The following CCDC7 variants were observed in gnomAD, a reference collection of about 807,000 sequenced individuals.
CCDC7 encodes the protein coiled-coil domain-containing protein 7.
Under a neutral mutation model 196.9 loss-of-function variants are expected in CCDC7, and 183 were observed. The ratio of observed to expected loss-of-function variants is 0.93; its 90% CI spans 0.82 to 1.05. The LOEUF (loss-of-function observed/expected upper bound fraction) is 1.05. CCDC7 is among the 50% of genes least tolerant of loss of function. The pLI, the probability that CCDC7 is intolerant of heterozygous loss-of-function variation, is 0.00. For missense variants in CCDC7, 1,540 were observed against 1,482.2 expected, an observed-to-expected ratio of 1.04 and a Z score of -0.64; for synonymous variants, 525 against 484.6, an observed-to-expected ratio of 1.08 and a Z score of -1.10.
chr10:32,779,495 G>A (rs2134278424), intron 29 of CCDC7, among the ~76,000 whole-genome samples: 1 of 152,298 alleles, frequency 6.6e-6, no homozygotes, highest in Non-Finnish European at 1.5e-5. Context: ...GCCTTGTGAT[G>A]TGCTTATTAT....
At chr10:32,795,179 A>G (rs989507896) in intron 29 of CCDC7, among the ~76,000 whole-genome samples, 1 of 152,128 alleles carries the variant, frequency 6.6e-6, no homozygotes, top group Non-Finnish European at 1.5e-5. Context: ...TTTCTTGCTC[A>G]GTTTCCTCTT....
intron 12 of CCDC7, 86 bp downstream of exon 13, chr10:32,543,471 A>G (rs985637760): frequency 1.2e-5 from 14 of 1,123,402 alleles, no homozygotes; most frequent in African/African-American, 1.6e-5. Flanking sequence ...TCAAATAAAC[A>G]TAACTTATGA....
chr10:32,839,945 T>C (rs992329687), intron 33 of CCDC7, among the ~76,000 whole-genome samples: 4 of 152,040 alleles, frequency 2.6e-5, no homozygotes, highest in Admixed American at 2.0e-4. Flanking sequence ...TTAAAAATTC[T>C]TTGAACTGAA....
At chr10:32,699,347 T>G (rs2078259028) in intron 24 of CCDC7, among the ~76,000 whole-genome samples, 1 of 152,014 alleles carries the variant, frequency 6.6e-6, no homozygotes, top group South Asian at 2.1e-4. Context: ...AATGATGGTT[T>G]CCAGCTTCAT....
intron 9 of CCDC7, among the ~76,000 whole-genome samples, chr10:32,506,610 G>A (rs1478454555): frequency 1.3e-5 from 2 of 152,214 alleles, no homozygotes; most frequent in South Asian, 2.1e-4. Context: ...CCAGCACCTC[G>A]GGAGGCCGAG....
Position 32,790,549 on chromosome 10 carries a change from G to A in CCDC7, c.3013+11465G>A, listed in dbSNP as rs536406629. On this transcript the variant is annotated intron_variant, in intron 29 of 41. Coordinates refer to ENST00000639629, the Ensembl canonical transcript of CCDC7. ...GGCTTTATTGTGTTCCGCCCTTCCA[G>A]GGTCCAGAGTCACTACTCTGGGTTA... Among the ~76,000 whole-genome samples, 180 of 152,312 alleles carry A rather than the reference G, an allele frequency of 1.2e-3. 1 individual carries two copies. The highest frequency in any genetic ancestry group is 4.2e-3 in the African/African-American group (174 of 41,572).
intron 25 of CCDC7, among the ~76,000 whole-genome samples, chr10:32,725,832 C>T (rs1334960833): frequency 1.3e-5 from 2 of 152,160 alleles, no homozygotes; most frequent in Non-Finnish European, 2.9e-5. Flanking sequence ...ATGACCCAAA[C>T]ACCTCCCACC....
chr10:32,674,981 T>G (rs533233650), intron 21 of CCDC7, among the ~76,000 whole-genome samples: 19 of 152,208 alleles, frequency 1.2e-4, no homozygotes, highest in African/African-American at 4.6e-4. Flanking sequence ...TTTAGTTCAG[T>G]TTGTCCTTAA....
At chr10:32,810,003 A>T (rs1306111260) in intron 30 of CCDC7, among the ~76,000 whole-genome samples, 1 of 152,204 alleles carries the variant, frequency 6.6e-6, no homozygotes, top group African/African-American at 2.4e-5. Context: ...GATAGACTGG[A>T]TTAAGAAAAT....
At chr10:32,880,804 AT>A (rs1214039961), downstream of CCDC7, among the ~76,000 whole-genome samples, 1 of 152,216 alleles carries the variant, frequency 6.6e-6, no homozygotes, top group African/African-American at 2.4e-5. Context: ...TCCTTTCCCT[AT>A]TGCTTGTTTT....
intron 18 of CCDC7, among the ~76,000 whole-genome samples, chr10:32,617,732 A>T (rs1480967020): frequency 1.3e-5 from 2 of 151,916 alleles, no homozygotes; most frequent in Non-Finnish European, 2.9e-5. Flanking sequence ...CTTGGAGAAT[A>T]TTCTATCTGC....
At chr10:32,677,013 T>C (rs2075097584) in intron 21 of CCDC7, among the ~76,000 whole-genome samples, 1 of 150,346 alleles carries the variant, frequency 6.7e-6, no homozygotes, top group Non-Finnish European at 1.5e-5. Flanking sequence ...ATGTGGCACA[T>C]ACCATGGAAT....
At chr10:32,696,102 G>C (rs1223908809) in intron 24 of CCDC7, among the ~76,000 whole-genome samples, 1 of 152,002 alleles carries the variant, frequency 6.6e-6, no homozygotes, top group Non-Finnish European at 1.5e-5. Context: ...CCAAAAAAAT[G>C]GTCCTAATTG....
chr10:32,456,312 A>G (rs146377189), exon 3 of CCDC7: 4 of 1,573,262 alleles, frequency 2.5e-6, no homozygotes, highest in East Asian at 2.3e-5. Flanking sequence ...CAGCTAGAAG[A>G]AGCACTTAAA....
chr10:32,824,542 C>A, exon 32 of CCDC7: 2 of 1,611,254 alleles, frequency 1.2e-6, no homozygotes, highest in Non-Finnish European at 1.7e-6. Flanking sequence ...TTGCATAGTA[C>A]AACTGAGAGA....
rs528870586 is a variant in CCDC7, at chr10:32,847,884, G to A, written c.3740G>A (p.Gly1247Asp). 22 of 1,610,386 alleles carry A rather than the reference G, an allele frequency of 1.4e-5. No individual in the cohort carries two copies. In the Admixed American group the frequency reaches 2.3e-4, roughly 17 times the overall value. The change falls in exon 38 of 42, where the codon GGT becomes GAT. Residue 1247 changes from glycine to aspartate, a missense_variant. Coordinates refer to ENST00000639629, the Ensembl canonical transcript of CCDC7. ...GCCATTGGTTCAAGTAAAACAATTGGTGAGATAAAGACACAACTAAGGACT... is the reference window on the plus strand; with the variant it reads ...GCCATTGGTTCAAGTAAAACAATTGATGAGATAAAGACACAACTAAGGACT...
chr10:32,652,033 A>G (rs1274580929), intron 20 of CCDC7, among the ~76,000 whole-genome samples: 2 of 151,970 alleles, frequency 1.3e-5, no homozygotes, highest in African/African-American at 4.8e-5. Flanking sequence ...CCCTCCTATT[A>G]TTGTATCACG....
At chr10:32,764,733 C>T (rs1423508733) in intron 28 of CCDC7, among the ~76,000 whole-genome samples, 1 of 151,998 alleles carries the variant, frequency 6.6e-6, no homozygotes, top group Non-Finnish European at 1.5e-5. Context: ...ACAGCCCCAG[C>T]ATTCTCAAAC....
chr10:32,687,819 T>C (rs567426694), intron 22 of CCDC7, among the ~76,000 whole-genome samples: 3 of 152,224 alleles, frequency 2.0e-5, no homozygotes, highest in African/African-American at 7.2e-5. Context: ...CTGTGATGGG[T>C]AGAGGAAATA....
Sources: gnomAD v4.1 joint callset for allele counts (sites outside exome capture counted in the v4.1 genomes callset) on GRCh38, gnomAD v4.1.1 for gene constraint, MANE v1.5 for transcripts, NCBI Gene and HGNC (gene_info 2026-07-23, HGNC 2026-07-21) for gene names.